The following DPP10 variants were observed in gnomAD, a reference collection of about 807,000 sequenced individuals.
The protein encoded by DPP10 is dipeptidyl peptidase like 10.
Under a neutral mutation model 120.9 loss-of-function variants are expected in DPP10, and 33 were observed. The observed-to-expected ratio is 0.27, with a 90% CI of 0.21 to 0.37. The LOEUF (loss-of-function observed/expected upper bound fraction) is 0.37. Ranked by LOEUF, DPP10 falls within the 10% of genes least tolerant of loss-of-function variation. The pLI is 1.00. For synonymous variants in DPP10, 337 were observed against 326.1 expected (o/e 1.03, Z -0.36); for missense variants, 816 against 942.8 (o/e 0.87, Z 1.76).
chr2:115,554,540 AG>A (rs557383281), intron 5 of DPP10, among the ~76,000 whole-genome samples: 28 of 152,236 alleles, frequency 1.8e-4, no homozygotes, highest in Admixed American at 8.5e-4. Flanking sequence ...TATTGATTAT[AG>A]TAGCCCCAGT....
intron 1 of DPP10, among the ~76,000 whole-genome samples, chr2:114,799,723 C>T (rs1386767195): frequency 2.6e-5 from 4 of 152,082 alleles, no homozygotes; most frequent in Admixed American, 2.0e-4. Flanking sequence ...GACTCAAAGG[C>T]CCTACTCACT....
chr2:115,531,172 A>G (rs1257878250), intron 5 of DPP10, among the ~76,000 whole-genome samples: 2 of 149,740 alleles, frequency 1.3e-5, no homozygotes, highest in Non-Finnish European at 3.0e-5. Context: ...TTCCTGAAAC[A>G]GTGGGTCTCA....
intron 3 of DPP10, among the ~76,000 whole-genome samples, chr2:115,393,507 T>C (rs1468521593): frequency 6.6e-6 from 1 of 152,172 alleles, no homozygotes; most frequent in Non-Finnish European, 1.5e-5. Flanking sequence ...CCATGGTCTT[T>C]TAGCCTTTGA....
chr2:115,841,868 T>G (rs1342209951), intron 25 of DPP10, among the ~76,000 whole-genome samples: 1 of 152,126 alleles, frequency 6.6e-6, no homozygotes, highest in South Asian at 2.1e-4. Context: ...TTTTCTAAAC[T>G]AAATACTCCT....
At chr2:115,251,037 G>T (rs867570115) in intron 1 of DPP10, among the ~76,000 whole-genome samples, 4 of 152,158 alleles carry the variant, frequency 2.6e-5, no homozygotes, top group African/African-American at 9.7e-5. Flanking sequence ...GGCTTTGGAG[G>T]AATATGCCAC....
At chr2:114,836,204 G>A (rs929908831) in intron 1 of DPP10, among the ~76,000 whole-genome samples, 7 of 152,030 alleles carry the variant, frequency 4.6e-5, no homozygotes, top group Non-Finnish European at 8.8e-5. Context: ...GCCTTTCATA[G>A]CACTTTATGT....
At chr2:115,311,273 T>C (rs1483429969) in intron 2 of DPP10, among the ~76,000 whole-genome samples, 3 of 152,162 alleles carry the variant, frequency 2.0e-5, no homozygotes, top group Non-Finnish European at 2.9e-5. Flanking sequence ...CATTGCAGTG[T>C]TATTATGGAG....
intron 1 of DPP10, among the ~76,000 whole-genome samples, chr2:115,080,345 A>G (rs988756888): frequency 7.2e-5 from 11 of 152,174 alleles, no homozygotes; most frequent in Non-Finnish European, 1.5e-4. Context: ...CTAGAACAAT[A>G]AAGTGAAGGA....
intron 1 of DPP10, among the ~76,000 whole-genome samples, chr2:114,549,971 C>G (rs1687751936): frequency 2.6e-5 from 4 of 152,258 alleles, no homozygotes; most frequent in Non-Finnish European, 5.9e-5. Flanking sequence ...CCTTTAGAAA[C>G]CATCATGCCC....
At position 115,762,560 on chromosome 2, in the gene DPP10, G is replaced by T; in HGVS notation, c.1075-12G>T. 1 of 1,613,438 alleles carries T rather than the reference G, an allele frequency of 6.2e-7. No individual in the cohort carries two copies. Among genetic ancestry groups the T allele is most frequent in the Non-Finnish European group, 8.5e-7 (1 of 1,179,824 alleles). The stretch of plus-strand genomic sequence containing the variant: ...CTTTAGATGCTTCATGGAGTTAATT[G>T]TTTTGTTTCAGAAATATGAGATGAC... On this transcript the variant is annotated splice_polypyrimidine_tract_variant and intron_variant, in intron 11 of 25. Coordinates refer to ENST00000410059, the MANE Select transcript of DPP10 (RefSeq NM_020868.6).
intron 1 of DPP10, among the ~76,000 whole-genome samples, chr2:115,208,170 A>G (rs2056278055): frequency 6.6e-6 from 1 of 151,522 alleles, no homozygotes; most frequent in Non-Finnish European, 1.5e-5. Flanking sequence ...CTCTAAGGAT[A>G]CTTTGCTTTA....
At chr2:114,462,691 T>A (rs1679028907) in intron 1 of DPP10, among the ~76,000 whole-genome samples, 1 of 152,126 alleles carries the variant, frequency 6.6e-6, no homozygotes, top group Non-Finnish European at 1.5e-5. Flanking sequence ...GTCTCCACTA[T>A]AAAACGCTCT....
intron 3 of DPP10, among the ~76,000 whole-genome samples, chr2:115,457,844 C>A (rs1430345183): frequency 2.6e-5 from 4 of 152,050 alleles, no homozygotes; most frequent in African/African-American, 4.8e-5. Flanking sequence ...TACAGCTATG[C>A]AAAATCTTGT....
At chr2:114,733,020 G>A (rs544634017) in intron 1 of DPP10, among the ~76,000 whole-genome samples, 2 of 152,284 alleles carry the variant, frequency 1.3e-5, no homozygotes, top group South Asian at 4.1e-4. Flanking sequence ...AAGATAAGCT[G>A]AATTAGGGAG....
intron 3 of DPP10, among the ~76,000 whole-genome samples, chr2:115,455,489 A>C (rs899033372): frequency 1.3e-5 from 2 of 152,158 alleles, no homozygotes; most frequent in Admixed American, 6.6e-5. Flanking sequence ...ATGGAACCAA[A>C]AAAGAGCTCA....
At chr2:114,911,836 T>TA (rs1311729699) in intron 1 of DPP10, among the ~76,000 whole-genome samples, 3 of 152,114 alleles carry the variant, frequency 2.0e-5, no homozygotes, top group Non-Finnish European at 4.4e-5. Flanking sequence ...TTACATCAGT[T>TA]ACACTTGCTG....
intron 1 of DPP10, among the ~76,000 whole-genome samples, chr2:115,046,540 A>G (rs930314348): frequency 1.3e-5 from 2 of 152,176 alleles, no homozygotes; most frequent in African/African-American, 4.8e-5. Context: ...GTTGTCCCAA[A>G]TAAGAGTGGG....
intron 25 of DPP10, among the ~76,000 whole-genome samples, chr2:115,841,579 G>T (rs1690150486): frequency 6.6e-6 from 1 of 152,144 alleles, no homozygotes; most frequent in South Asian, 2.1e-4. Context: ...ATAAACAAAT[G>T]TCAGGTCATT....
intron 4 of DPP10, among the ~76,000 whole-genome samples, chr2:115,509,098 T>A (rs1037624432): frequency 2.0e-5 from 3 of 152,084 alleles, no homozygotes; most frequent in Admixed American, 2.0e-4. Context: ...GTCATGGTGC[T>A]AAATTTTCAA....
Sources: allele counts gnomAD v4.1 joint callset (sites outside exome capture counted in the v4.1 genomes callset), GRCh38; gene constraint gnomAD v4.1.1; transcripts MANE v1.5; gene names NCBI Gene and HGNC (gene_info 2026-07-23, HGNC 2026-07-21).